SLC11A1: variants seen among roughly 807,000 people sequenced by gnomAD.
SLC11A1 encodes the protein natural resistance-associated macrophage protein 1.
Under a neutral mutation model 63.2 loss-of-function variants are expected in SLC11A1, and 59 were observed. That is an observed-to-expected ratio of 0.93 (90% CI 0.76 to 1.16). The LOEUF is 1.16. Ranked by LOEUF, SLC11A1 falls within the 50% of genes most tolerant of loss-of-function variation. The pLI, the probability that SLC11A1 is intolerant of heterozygous loss-of-function variation, is 0.00. For synonymous variants in SLC11A1, 305 were observed against 307.8 expected (o/e 0.99, Z 0.09); for missense variants, 688 against 730.7 (o/e 0.94, Z 0.67).
In SLC11A1 at chr2:218,395,107, G is replaced by A; in HGVS notation, c.*72G>A. 1.7e-6 allele frequency: 2 copies of A among 1,194,422 alleles called. No individual in the cohort carries two copies. Among genetic ancestry groups the A allele is most frequent in the Non-Finnish European group, 2.4e-6 (2 of 834,124 alleles). The allele number at this position is 1,194,422 out of a possible 1,614,324, so 74.0% of individuals were successfully genotyped here. A position where few individuals can be genotyped will look rare whatever the true frequency, so the allele number is the denominator to read the frequency against. ...CCTGCTGGATGTGGAGGGGGCGCGT[G>A]CAGGCAGCAGGATAGAGTGGGACAG... On this transcript the variant is annotated 3_prime_UTR_variant, in exon 15 of 15. Coordinates refer to ENST00000233202, the MANE Select transcript of SLC11A1 (RefSeq NM_000578.4).
chr2:218,394,956 C>T lies in SLC11A1; in HGVS notation c.1574C>T (p.Thr525Ile), dbSNP rs1244527102. 1 of 1,613,230 alleles carries T rather than the reference C, an allele frequency of 6.2e-7. No homozygotes were observed. The highest frequency in any genetic ancestry group is 2.2e-5 in the East Asian group (1 of 44,890). ...VWTCCLAHGATFLAHSSHHHF... is the reference protein window; with the variant it reads ...VWTCCLAHGAIFLAHSSHHHF... ...ACCTGTTGCCTTGCCCACGGAGCCACCTTTCTGGCCCACAGCTCCCACCAC... is the reference window on the plus strand; with the variant it reads ...ACCTGTTGCCTTGCCCACGGAGCCATCTTTCTGGCCCACAGCTCCCACCAC... The change falls in exon 15 of 15, where the codon ACC becomes ATC. Residue 525 changes from threonine (T) to isoleucine (I), a missense_variant. By Grantham distance (89) the Thr-to-Ile change is moderately conservative. Coordinates refer to ENST00000233202, the MANE Select transcript of SLC11A1 (RefSeq NM_000578.4).
chr2:218,387,255 G>A (rs1291999334), intron 6 of SLC11A1, 25 bp downstream of exon 6: 2 of 1,597,574 alleles, frequency 1.3e-6, no homozygotes, highest in South Asian at 2.2e-5. Flanking sequence ...CACCTCATAG[G>A]GGAGTGGTGG....
At chr2:218,389,016 G>A (rs1338867733) in intron 8 of SLC11A1, among the ~76,000 whole-genome samples, 1 of 151,976 alleles carries the variant, frequency 6.6e-6, no homozygotes, top group Non-Finnish European at 1.5e-5. Context: ...AGTTACTCAG[G>A]AGGTTGAGGC....
At chr2:218,391,144 C>A (rs1396234587) in intron 9 of SLC11A1, 54 bp from the exon 10 acceptor site, 2 of 1,536,944 alleles carry the variant, frequency 1.3e-6, no homozygotes, top group East Asian at 4.5e-5. Context: ...AGTCCAGTTT[C>A]CCAAGGCTGA....
Position 218,387,783 on chromosome 2 carries a change from C to T in SLC11A1, c.640-17C>T, listed in dbSNP as rs1372740372. 4 of 1,610,794 alleles carry T rather than the reference C, an allele frequency of 2.5e-6. No homozygotes were observed. Among genetic ancestry groups the T allele is most frequent in the South Asian group, 1.1e-5 (1 of 90,940 alleles). Reference sequence around the variant, plus strand: ...TGCGAGGGGCGGGGCTTGTCCTGACCAGGCTCCTCCCTGCAGTATGTGGTG... The same window carrying T: ...TGCGAGGGGCGGGGCTTGTCCTGACTAGGCTCCTCCCTGCAGTATGTGGTG... On this transcript the variant is annotated splice_polypyrimidine_tract_variant and intron_variant, in intron 7 of 14. Coordinates refer to ENST00000233202, the MANE Select transcript of SLC11A1 (RefSeq NM_000578.4).
rs1696660798 is a variant in SLC11A1, at chr2:218,394,767, G to A, written c.1524G>A (p.Leu508=). ...CAGCCTTGCTGGCCGCAGCCTACCT[G>A]GGCCTCAGCACCTACCTGGTACAGT... The part of the protein sequence containing the change: ...GLAALLAAAY[L]GLSTYLVWTC... The change falls in exon 14 of 15, where the codon CTG becomes CTA. Residue 508 remains leucine (L), a synonymous_variant. Coordinates refer to ENST00000233202, the MANE Select transcript of SLC11A1 (RefSeq NM_000578.4). The A allele has an allele frequency of 6.2e-7, 1 of 1,612,792 alleles. No individual in the cohort carries two copies. Among genetic ancestry groups the A allele is most frequent in the Non-Finnish European group, 8.5e-7 (1 of 1,180,042 alleles).
At position 218,383,010 on chromosome 2, in the gene SLC11A1, A is replaced by C. The variant is rs746836539; in HGVS notation, c.58A>C (p.Ser20Arg). The C allele has an allele frequency of 1.9e-6, 3 of 1,611,346 alleles. No homozygotes were observed. The highest frequency in any genetic ancestry group is 2.5e-6 in the Non-Finnish European group (3 of 1,179,708). Residue 20 changes from serine to arginine, a missense_variant, in exon 2 of 15, where the codon AGC becomes CGC. Coordinates refer to ENST00000233202, the MANE Select transcript of SLC11A1 (RefSeq NM_000578.4). ...CGGGTCCAGCTATGGTTCCATCTCC[A>C]GCCCGACCAGCCCGACCAGCCCAGG... is the stretch of plus-strand genomic sequence containing the variant. ...LSGSSYGSISSPTSPTSPGPQ... is the reference protein window; with the variant it reads ...LSGSSYGSISRPTSPTSPGPQ...
rs770872795 is a variant in SLC11A1, at chr2:218,387,927, A to G, written c.767A>G (p.Asn256Ser). The G allele has an allele frequency of 1.9e-6, 3 of 1,610,918 alleles. No individual in the cohort carries two copies. The East Asian group carries it at 6.7e-5, about 36-fold the overall frequency. ...GTTGGCGCCATCATCATGCCCCACA[A>G]CATCTACCTGCACTCGGCCCTGGTC... Reference protein sequence around the residue: ...GIVGAIIMPHNIYLHSALVKS... With the variant: ...GIVGAIIMPHSIYLHSALVKS... Residue 256 changes from asparagine to serine, a missense_variant, in exon 8 of 15, where the codon AAC (asparagine) becomes AGC (serine). Transcript: ENST00000233202.
intron 2 of SLC11A1, chr2:218,383,745 G>C (rs1162412865): frequency 6.5e-6 from 1 of 152,804 alleles, no homozygotes; most frequent in Non-Finnish European, 1.5e-5. Context: ...CTTCCAAAGT[G>C]CTGGGATTAC....
Position 218,388,166 on chromosome 2 carries a change from G to A in SLC11A1, c.795+211G>A, listed in dbSNP as rs1190356467. The A allele has an allele frequency of 1.1e-5, 6 of 557,346 alleles. No homozygotes were observed. In the East Asian group the frequency reaches 1.6e-4, roughly 15 times the overall value. 34.5% of individuals were successfully genotyped at this position (557,346 alleles called of 1,614,324 possible). A position where few individuals can be genotyped will look rare whatever the true frequency, so the allele number is the denominator to read the frequency against. ...GGGCGGATCACGAGGTCAAGAGATC[G>A]ACACCATCCTGGTCAACATGGCGAA... On this transcript the variant is annotated intron_variant, in intron 8 of 14. Transcript: ENST00000233202.
chr2:218,394,011 G>A, intron 12 of SLC11A1, 109 bp from the exon 13 acceptor site: 1 of 1,064,788 alleles, frequency 9.4e-7, no homozygotes, highest in South Asian at 1.4e-5. Flanking sequence ...GGTTAGGGCA[G>A]TTGAGCTCAC....
At position 218,391,184 on chromosome 2, in the gene SLC11A1, C is replaced by T; in HGVS notation, c.955-14C>T. 3.1e-6 allele frequency: 5 copies of T among 1,612,646 alleles called. No individual in the cohort carries two copies. In the South Asian group the frequency reaches 5.5e-5, roughly 18 times the overall value. On this transcript the variant is annotated splice_polypyrimidine_tract_variant and intron_variant, in intron 9 of 14. Coordinates refer to ENST00000233202, the MANE Select transcript of SLC11A1 (RefSeq NM_000578.4). Reference sequence around the variant, plus strand: ...GCTCCTCACATCTTCCTTCTACTGCCCTGGTACCCACAGTTCAACATCTGT... The same window carrying T: ...GCTCCTCACATCTTCCTTCTACTGCTCTGGTACCCACAGTTCAACATCTGT...
intron 8 of SLC11A1, among the ~76,000 whole-genome samples, chr2:218,388,909 C>T (rs1026126356): frequency 6.6e-6 from 1 of 151,992 alleles, no homozygotes; most frequent in Non-Finnish European, 1.5e-5. Flanking sequence ...CCCAGGAGTT[C>T]GAGACCACCC....
At position 218,393,127 on chromosome 2, in the gene SLC11A1, G is replaced by T; in HGVS notation, c.1311G>T (p.Leu437=). The T allele has an allele frequency of 6.4e-7, 1 of 1,567,616 alleles. No homozygotes were observed. Among genetic ancestry groups the T allele is most frequent in the Middle Eastern group, 1.8e-4 (1 of 5,602 alleles). ...ATCTGCTCAACGTGCTGCAGAGCCTGCTGGTGAGATGCGCCAACCCCACCA... is the reference window on the plus strand; with the variant it reads ...ATCTGCTCAACGTGCTGCAGAGCCTTCTGGTGAGATGCGCCAACCCCACCA... ...LNDLLNVLQS[L]LLPFAVLPIL... The change falls in exon 12 of 15, where the codon CTG becomes CTT. Residue 437 remains leucine, a synonymous_variant. Coordinates refer to ENST00000233202, the MANE Select transcript of SLC11A1 (RefSeq NM_000578.4).
Position 218,391,502 on chromosome 2 carries a change from CA to C in SLC11A1, c.1164+8del, listed in dbSNP as rs915407310. On this transcript the variant is annotated splice_region_variant and intron_variant, in intron 11 of 14. Transcript: ENST00000233202. ...GGGACAGTTCGTGATGGAGGTAGGG[CA>C]GGGGGCGGGCCCAGGAGGGCAAGGG... is the stretch of plus-strand genomic sequence containing the variant. 3.8e-6 allele frequency: 6 copies of C among 1,578,304 alleles called. No homozygotes were observed. The highest frequency in any genetic ancestry group is 5.2e-6 in the Non-Finnish European group (6 of 1,162,340).
chr2:218,390,581 G>A (rs190879177), intron 9 of SLC11A1, among the ~76,000 whole-genome samples: 1 of 152,206 alleles, frequency 6.6e-6, no homozygotes, highest in African/African-American at 2.4e-5. Context: ...GGGAGAAGGG[G>A]TGGCCAGGCC....
chr2:218,385,556 A>G (rs774477378), intron 4 of SLC11A1: 5 of 441,940 alleles, frequency 1.1e-5, no homozygotes, highest in African/African-American at 2.0e-5. Context: ...ATCATCGGCT[A>G]ATTTTTGTAT....
chr2:218,388,064 G>C, intron 8 of SLC11A1, 109 bp downstream of exon 8: 1 of 1,320,258 alleles, frequency 7.6e-7, no homozygotes, highest in South Asian at 1.5e-5. Flanking sequence ...CAGGATTTGC[G>C]GAGCCTGTAA....
At position 218,391,526 on chromosome 2, in the gene SLC11A1, G is replaced by A. The variant is rs1341547259; in HGVS notation, c.1164+31G>A. On this transcript the variant is annotated intron_variant, in intron 11 of 14. Transcript: ENST00000233202. ...GCAGGGGGCGGGCCCAGGAGGGCAA[G>A]GGGTCCAAGGACAGCAGGCACACTA... The A allele has an allele frequency of 5.8e-6, 9 of 1,556,840 alleles. No individual in the cohort carries two copies. The African/African-American group carries it at 1.1e-4, about 19-fold the overall frequency.
Sources: gnomAD v4.1 joint callset for allele counts (sites outside exome capture counted in the v4.1 genomes callset) on GRCh38, gnomAD v4.1.1 for gene constraint, MANE v1.5 for transcripts, NCBI Gene and HGNC (gene_info 2026-07-23, HGNC 2026-07-21) for gene names.